The following CACHD1 variants were observed in gnomAD, a reference collection of about 807,000 sequenced individuals.
CACHD1 encodes the protein VWFA and cache domain-containing protein 1.
In CACHD1, 71 loss-of-function variants were observed where a neutral mutation model predicts 138.7. That is an observed-to-expected ratio of 0.51 (90% CI 0.42 to 0.62). CACHD1 has a LOEUF of 0.62. Among genes scored for constraint, CACHD1 ranks in the 20% least tolerant of loss-of-function variants. CACHD1 has a pLI of 0.00. For synonymous variants in CACHD1, 578 were observed against 591.5 expected (o/e 0.98, Z 0.33); for missense variants, 1,389 against 1,625.3 (o/e 0.85, Z 2.50).
chr1:64,659,357 A>G (rs1272526893), intron 13 of CACHD1, among the ~76,000 whole-genome samples: 1 of 152,178 alleles, frequency 6.6e-6, no homozygotes, highest in African/African-American at 2.4e-5. Context: ...ACAGCCCATT[A>G]AAGGTAAACA....
chr1:64,621,092 C>T (rs1036633669), intron 4 of CACHD1, among the ~76,000 whole-genome samples: 4 of 152,082 alleles, frequency 2.6e-5, no homozygotes, highest in African/African-American at 4.8e-5. Context: ...TTTATGGTTG[C>T]TCTGATAATT....
intron 4 of CACHD1, among the ~76,000 whole-genome samples, chr1:64,625,578 G>C (rs1352702253): frequency 6.6e-6 from 1 of 151,386 alleles, no homozygotes. Context: ...AGTGAGCCGA[G>C]ATTGCACCAC....
chr1:64,470,340 G>A lies in CACHD1; in HGVS notation c.-405G>A, dbSNP rs965334923. Among the ~76,000 whole-genome samples, 1 of 151,924 alleles carries A rather than the reference G, an allele frequency of 6.6e-6. No homozygotes were observed. Among genetic ancestry groups the A allele is most frequent in the African/African-American group, 2.4e-5 (1 of 41,424 alleles). On this transcript the variant is annotated 5_prime_UTR_variant, in exon 1 of 27. Coordinates refer to ENST00000651257, the MANE Select transcript of CACHD1 (RefSeq NM_020925.4). This position sits in a 1 kb window ranked among gnomAD's most constrained non-coding sequence, Gnocchi z 5.2. ...CTCGCCGCCGCCTGCTCGCTGCGCT[G>A]GGACTCGCAGGAAGCGAGAGCCGCG...
intron 4 of CACHD1, among the ~76,000 whole-genome samples, chr1:64,617,161 CA>C (rs5774713): frequency 0.91 from 135,822 of 148,520 alleles, 62,876 homozygotes; most frequent in Non-Finnish European, 0.99. Flanking sequence ...CAAAACAAAA[CA>C]AAAAAAAAAA....
intron 1 of CACHD1, among the ~76,000 whole-genome samples, chr1:64,497,845 G>A (rs977522844): frequency 2.6e-5 from 4 of 152,150 alleles, no homozygotes; most frequent in Admixed American, 6.5e-5. Flanking sequence ...ACTGTGGCAC[G>A]CTGGGTGTGG....
intron 1 of CACHD1, among the ~76,000 whole-genome samples, chr1:64,511,005 G>A (rs1474840066): frequency 6.6e-6 from 1 of 152,144 alleles, no homozygotes; most frequent in Non-Finnish European, 1.5e-5. Context: ...CCTTGTAGTG[G>A]AGAATCCATT....
Position 64,679,621 on chromosome 1 carries a change from A to T in CACHD1, c.3271A>T (p.Ile1091Phe). Residue 1091 changes from isoleucine (I) to phenylalanine (F), a missense_variant, in exon 24 of 27, where the codon ATT becomes TTT. Physicochemically the swap from Ile to Phe is conservative, Grantham distance 21. This residue lies in a region of CACHD1 where 250 missense variants were observed against 292.9 expected (regional missense o/e 0.85). Coordinates refer to ENST00000651257, the MANE Select transcript of CACHD1 (RefSeq NM_020925.4). The part of the protein sequence containing the change: ...IGDEVITLNM[I>F]KSAPVGPVAG... ...TGATGAGGTGATCACATTAAACATG[A>T]TTAAAAGCGCCCCTGTGGGTCCTGT... 1 of 1,614,206 alleles carries T rather than the reference A, an allele frequency of 6.2e-7. No individual in the cohort carries two copies.
intron 1 of CACHD1, among the ~76,000 whole-genome samples, chr1:64,543,402 C>CACATAT (rs1553131376): frequency 7.9e-6 from 1 of 126,886 alleles, no homozygotes; most frequent in Non-Finnish European, 1.6e-5. Context: ...AAAAAAAATA[C>CACATAT]ATATATATAT....
At chr1:64,500,922 G>C (rs914872921) in intron 1 of CACHD1, among the ~76,000 whole-genome samples, 3 of 151,806 alleles carry the variant, frequency 2.0e-5, no homozygotes, top group Non-Finnish European at 2.9e-5. Flanking sequence ...GGTGGCAAGT[G>C]CCTATAATCC....
intron 1 of CACHD1, among the ~76,000 whole-genome samples, chr1:64,532,786 T>C (rs1444114772): frequency 1.3e-5 from 2 of 152,100 alleles, no homozygotes; most frequent in African/African-American, 4.8e-5. Context: ...CATATCTGAG[T>C]TCAAATCTAC....
intron 2 of CACHD1, among the ~76,000 whole-genome samples, chr1:64,578,341 G>A (rs1646985479): frequency 6.6e-6 from 1 of 152,120 alleles, no homozygotes; most frequent in Non-Finnish European, 1.5e-5. Context: ...AAATCTCTTT[G>A]CAACAGATTT....
At chr1:64,663,226 A>C (rs954632749) in intron 13 of CACHD1, among the ~76,000 whole-genome samples, 18 of 152,160 alleles carry the variant, frequency 1.2e-4, no homozygotes, top group African/African-American at 3.4e-4. Flanking sequence ...TAGGACTGTA[A>C]GCTCCCTGAA....
At chr1:64,643,795 A>G (rs977588448) in intron 8 of CACHD1, among the ~76,000 whole-genome samples, 37 of 152,144 alleles carry the variant, frequency 2.4e-4, no homozygotes, top group African/African-American at 8.7e-4. Context: ...CCGAGATTGC[A>G]CCACTGCACT....
chr1:64,638,901 C>T (rs955067087), intron 7 of CACHD1, among the ~76,000 whole-genome samples: 4 of 152,062 alleles, frequency 2.6e-5, no homozygotes, highest in Non-Finnish European at 4.4e-5. Flanking sequence ...CTCAATTTTT[C>T]TTGAGGATAA....
chr1:64,666,295 G>T, intron 16 of CACHD1, 128 bp downstream of exon 16: 1 of 528,724 alleles, frequency 1.9e-6, no homozygotes, highest in Non-Finnish European at 3.3e-6. Context: ...GGCCAGCTGG[G>T]ATTTGAACAT....
chr1:64,576,892 T>G (rs984599906), intron 2 of CACHD1, among the ~76,000 whole-genome samples: 1 of 147,148 alleles, frequency 6.8e-6, no homozygotes, highest in Non-Finnish European at 1.5e-5. Context: ...TAGGTTTTGG[T>G]GGGTTTGTTT....
chr1:64,676,800 A>G, intron 21 of CACHD1, 95 bp from the exon 22 acceptor site: 1 of 949,218 alleles, frequency 1.1e-6, no homozygotes, highest in South Asian at 1.6e-5. Flanking sequence ...CCAGGATTCA[A>G]ACCCAAATCT....
intron 13 of CACHD1, among the ~76,000 whole-genome samples, chr1:64,663,335 G>A (rs11208494): frequency 3.2e-3 from 493 of 152,186 alleles, no homozygotes; most frequent in African/African-American, 0.011. Context: ...GGTGGATCAC[G>A]AGGTCAGGAG....
chr1:64,475,040 AG>A (rs1391939498), intron 1 of CACHD1, among the ~76,000 whole-genome samples: 2 of 152,248 alleles, frequency 1.3e-5, no homozygotes, highest in Non-Finnish European at 2.9e-5. Context: ...AGGCATGTTC[AG>A]GAACTGAAGG....
Sources: gnomAD v4.1 joint callset for allele counts (sites outside exome capture counted in the v4.1 genomes callset) on GRCh38, gnomAD v4.1.1 for gene constraint, gnomAD v4.1.1 regional missense constraint, Gnocchi (gnomAD v3.1) non-coding constraint, MANE v1.5 for transcripts, NCBI Gene and HGNC (gene_info 2026-07-23, HGNC 2026-07-21) for gene names.